The following PDE1A variants were observed in gnomAD, a reference collection of about 807,000 sequenced individuals.
PDE1A encodes phosphodiesterase 1A.
Under a neutral mutation model 61.7 loss-of-function variants are expected in PDE1A, and 35 were observed. The ratio of observed to expected loss-of-function variants is 0.57; its 90% CI spans 0.43 to 0.75. The LOEUF is 0.75. Among genes scored for constraint, PDE1A ranks in the 30% least tolerant of loss-of-function variants. The probability of loss-of-function intolerance (pLI) is 0.00; values close to 1 mark genes in which losing one functional copy is unlikely to be tolerated. For missense variants in PDE1A, 597 were observed against 630.6 expected, an observed-to-expected ratio of 0.95 and a Z score of 0.57; for synonymous variants, 232 against 213.2, an observed-to-expected ratio of 1.09 and a Z score of -0.77.
At chr2:182,233,841 CTT>C (rs1689782025) in intron 4 of PDE1A, among the ~76,000 whole-genome samples, 1 of 151,496 alleles carries the variant, frequency 6.6e-6, no homozygotes, top group East Asian at 1.9e-4. Flanking sequence ...GAGCCAATAA[CTT>C]TACTCACTTC....
At chr2:182,388,640 CA>C (rs1397989804) in intron 1 of PDE1A, among the ~76,000 whole-genome samples, 1 of 151,672 alleles carries the variant, frequency 6.6e-6, no homozygotes, top group African/African-American at 2.4e-5. Context: ...AAAAACACAA[CA>C]TACCTATGGG....
chr2:182,712,966 A>G, the PDE1A span, among the ~76,000 whole-genome samples: 1 of 152,258 alleles, frequency 6.6e-6, no homozygotes, highest in East Asian at 1.9e-4. Context: ...AAAATAAACT[A>G]CATCTTGTCC....
chr2:182,659,331 TG>T, the PDE1A span, among the ~76,000 whole-genome samples: 2 of 152,218 alleles, frequency 1.3e-5, no homozygotes, highest in East Asian at 1.9e-4. Flanking sequence ...ATTTTACATT[TG>T]TTCCCTTTAT....
chr2:182,579,821 A>G, the PDE1A span, among the ~76,000 whole-genome samples: 1 of 152,226 alleles, frequency 6.6e-6, no homozygotes, highest in Non-Finnish European at 1.5e-5. Flanking sequence ...GGACAAAAGA[A>G]TGATCATTAT....
intron 10 of PDE1A, among the ~76,000 whole-genome samples, chr2:182,198,845 T>A (rs1686364018): frequency 6.6e-6 from 1 of 151,962 alleles, no homozygotes; most frequent in Non-Finnish European, 1.5e-5. Context: ...TTCCTCTTCC[T>A]CTATGTCATA....
the PDE1A span, among the ~76,000 whole-genome samples, chr2:182,626,844 T>G: frequency 2.7e-5 from 1 of 36,560 alleles, no homozygotes; most frequent in South Asian, 1.1e-3. Flanking sequence ...TATACATATA[T>G]ATACATATAT....
the PDE1A span, among the ~76,000 whole-genome samples, chr2:182,544,985 TATA>T: frequency 6.6e-6 from 1 of 152,314 alleles, no homozygotes; most frequent in Non-Finnish European, 1.5e-5. Context: ...TTATTATTTT[TATA>T]ATAATTAAAT....
At chr2:182,672,890 T>C in the PDE1A span, among the ~76,000 whole-genome samples, 1 of 152,224 alleles carries the variant, frequency 6.6e-6, no homozygotes, top group Non-Finnish European at 1.5e-5. Flanking sequence ...TGGCTCATCA[T>C]GTCTTCCTAC....
chr2:182,428,664 A>G (rs112763986), upstream of PDE1A, among the ~76,000 whole-genome samples: 1 of 152,252 alleles, frequency 6.6e-6, no homozygotes, highest in African/African-American at 2.4e-5. Context: ...TATTTAGGAA[A>G]GCACATAAGA....
At chr2:182,244,542 A>T (rs1303415180) in intron 2 of PDE1A, among the ~76,000 whole-genome samples, 1 of 149,598 alleles carries the variant, frequency 6.7e-6, no homozygotes, top group African/African-American at 2.5e-5. Flanking sequence ...TTATCATATT[A>T]TTTACCTCTT....
chr2:182,561,518 A>T, the PDE1A span, among the ~76,000 whole-genome samples: 4 of 152,340 alleles, frequency 2.6e-5, no homozygotes, highest in South Asian at 6.2e-4. Context: ...CTTTTGGCTT[A>T]GGATTGACTT....
chr2:182,377,909 G>A (rs373613433), intron 1 of PDE1A, among the ~76,000 whole-genome samples: 9 of 151,590 alleles, frequency 5.9e-5, no homozygotes, highest in Non-Finnish European at 7.4e-5. Context: ...GCAGTGGTGC[G>A]ATCTTGGCTC....
At chr2:182,391,560 G>A (rs1398771612) in intron 1 of PDE1A, among the ~76,000 whole-genome samples, 2 of 152,158 alleles carry the variant, frequency 1.3e-5, no homozygotes, top group African/African-American at 4.8e-5. Context: ...GATTTGTGAG[G>A]GGAGCACCTA....
At chr2:182,403,316 T>C (rs13391931) in intron 1 of PDE1A, among the ~76,000 whole-genome samples, 1,543 of 152,186 alleles carry the variant, frequency 0.01, 28 homozygotes, top group African/African-American at 0.035. Context: ...ATGTGGCACA[T>C]AGGCCAGGCG....
intron 1 of PDE1A, among the ~76,000 whole-genome samples, chr2:182,413,594 C>G (rs1219918226): frequency 6.6e-6 from 1 of 152,136 alleles, no homozygotes; most frequent in African/African-American, 2.4e-5. Flanking sequence ...CAAAGAGGCT[C>G]AAAGCAGCTA....
intron 2 of PDE1A, among the ~76,000 whole-genome samples, chr2:182,468,494 T>C (rs1686816751): frequency 6.6e-6 from 1 of 152,000 alleles, no homozygotes; most frequent in Non-Finnish European, 1.5e-5. Flanking sequence ...TCTAGTTCTC[T>C]TGCTATTTTC....
intron 2 of PDE1A, among the ~76,000 whole-genome samples, chr2:182,262,295 T>A (rs1346124088): frequency 1.1e-4 from 17 of 151,964 alleles, no homozygotes; most frequent in Admixed American, 1.1e-3. Context: ...TGACATGATC[T>A]CACTCTGTCA....
intron 2 of PDE1A, among the ~76,000 whole-genome samples, chr2:182,489,860 C>T (rs1033357536): frequency 2.0e-5 from 3 of 152,090 alleles, no homozygotes; most frequent in Non-Finnish European, 4.4e-5. Flanking sequence ...TGGCACTAAT[C>T]GGTAGAGCAT....
At chr2:182,485,647 T>C (rs1434686747) in intron 2 of PDE1A, among the ~76,000 whole-genome samples, 6 of 151,712 alleles carry the variant, frequency 4.0e-5, no homozygotes, top group Non-Finnish European at 8.8e-5. Context: ...ATACAACACA[T>C]CCAAGTGAGA....
Sources: allele counts gnomAD v4.1 joint callset (sites outside exome capture counted in the v4.1 genomes callset), GRCh38; gene constraint gnomAD v4.1.1; transcripts MANE v1.5; gene names NCBI Gene and HGNC (gene_info 2026-07-23, HGNC 2026-07-21).